OPN1SW: variants seen among roughly 807,000 people sequenced by gnomAD.
OPN1SW encodes opsin 1, short wave sensitive, also known as short-wave-sensitive opsin 1.
OPN1SW carries 25 observed loss-of-function variants against 31.9 expected under a neutral mutation model. The observed-to-expected ratio is 0.78, with a 90% CI of 0.57 to 1.09. OPN1SW has a LOEUF of 1.09. OPN1SW is among the 50% of genes least tolerant of loss of function. The pLI, the probability that OPN1SW is intolerant of heterozygous loss-of-function variation, is 0.00. For missense variants in OPN1SW, 424 were observed against 448.0 expected (o/e 0.95, Z 0.48); for synonymous variants, 190 against 171.9 (o/e 1.11, Z -0.82).
chr7:128,774,387 A>T, intron 3 of OPN1SW, 111 bp downstream of exon 3: 1 of 1,414,396 alleles, frequency 7.1e-7, no homozygotes, highest in Non-Finnish European at 9.9e-7. Context: ...TGCTGCTTTT[A>T]GATACCCTCT....
Position 128,775,055 on chromosome 7 carries a change from A to G in OPN1SW, c.443T>C (p.Leu148Pro). 1 of 1,614,244 alleles carries G rather than the reference A, an allele frequency of 6.2e-7. No homozygotes were observed. ...GGTCCAGGTAGCCAGGACCACCGTCAGTGCATGCTTGGAGCTGAAGCGGAA... is the reference window on the plus strand; with the variant it reads ...GGTCCAGGTAGCCAGGACCACCGTCGGTGCATGCTTGGAGCTGAAGCGGAA... ...GNFRFSSKHA[L>P]TVVLATWTIG... The change falls in exon 2 of 5, where the codon CTG becomes CCG. Residue 148 changes from leucine (L) to proline (P), a missense_variant. Leu to Pro is a moderately conservative substitution (Grantham distance 98). Transcript: ENST00000249389.
chr7:128,775,602 T>C lies in OPN1SW; in HGVS notation c.180A>G (p.Lys60=). 6.2e-7 allele frequency: 1 copy of C among 1,614,080 alleles called. No homozygotes were observed. Among genetic ancestry groups the C allele is most frequent in the Non-Finnish European group, 8.5e-7 (1 of 1,180,014 alleles). Residue 60 remains lysine (K), a synonymous_variant, in exon 1 of 5, where the codon AAA becomes AAG. Transcript: ENST00000249389. ...TGTAGTTGAGGGGCTGCCGCAACTT[T>C]TTGTAGCGCAGTGTGGCCACCAGCA... ...AMVLVATLRY[K]KLRQPLNYIL...
rs1801751586 is a variant in OPN1SW, at chr7:128,775,756, A to C, written c.26T>G (p.Phe9Cys). MSEEEFYL[F>C]KNISSVGPWD... ...CGGCCCCACTGAAGAGATATTTTTG[A>C]ACAGATAAAACTCTTCCTCCGACAT... Residue 9 changes from phenylalanine (F) to cysteine (C), a missense_variant, in exon 1 of 5, where the codon TTC (phenylalanine) becomes TGC (cysteine). Transcript: ENST00000249389. 6.2e-7 allele frequency: 1 copy of C among 1,614,008 alleles called. No homozygotes were observed.
Position 128,774,975 on chromosome 7 carries a change from T to G in OPN1SW, c.512+11A>C. 6.2e-7 allele frequency: 1 copy of G among 1,613,894 alleles called. No individual in the cohort carries two copies. Among genetic ancestry groups the G allele is most frequent in the Non-Finnish European group, 8.5e-7 (1 of 1,180,024 alleles). On this transcript the variant is annotated intron_variant, in intron 2 of 4. Coordinates refer to ENST00000249389, the MANE Select transcript of OPN1SW (RefSeq NM_001385125.1). ...CCTAGTTAACTCAGCACCACTGCCCTGCACTCTCACCGGCTCCAGCCAAAG... is the reference window on the plus strand; with the variant it reads ...CCTAGTTAACTCAGCACCACTGCCCGGCACTCTCACCGGCTCCAGCCAAAG...
rs1440735174 is a variant in OPN1SW at position 128,774,619 on chromosome 7, T to C, written c.557A>G (p.Tyr186Cys). ...GLQCSCGPDWYTVGTKYRSES... is the reference protein window; with the variant it reads ...GLQCSCGPDWCTVGTKYRSES... ...GCTGCGGTATTTGGTGCCCACGGTG[T>C]ACCAGTCAGGGCCACAGGAACACTG... Residue 186 changes from tyrosine to cysteine, a missense_variant, in exon 3 of 5, where the codon TAC (tyrosine) becomes TGC (cysteine). Coordinates refer to ENST00000249389, the MANE Select transcript of OPN1SW (RefSeq NM_001385125.1). 6.2e-7 allele frequency: 1 copy of C among 1,613,972 alleles called. No homozygotes were observed. The highest frequency in any genetic ancestry group is 8.5e-7 in the Non-Finnish European group (1 of 1,180,020).
At chr7:128,774,867 T>A (rs1197075224) in intron 2 of OPN1SW, 119 bp downstream of exon 2, 2 of 1,422,880 alleles carry the variant, frequency 1.4e-6, no homozygotes, top group Admixed American at 1.9e-5. Flanking sequence ...CCCTTTCGCC[T>A]CATATTGCAA....
chr7:128,775,234 A>G, intron 1 of OPN1SW, 80 bp from the exon 2 acceptor site: 1 of 1,496,766 alleles, frequency 6.7e-7, no homozygotes, highest in Non-Finnish European at 9.2e-7. Flanking sequence ...GATCGGGTGG[A>G]GCAAGCACAG....
chr7:128,773,040 C>A lies in OPN1SW; in HGVS notation c.919-381G>T, dbSNP rs570956146. ...GAGTCTACCTCTGGGATTGAGGAAACAATACCATCTGAAAGTAGGGTTTTT... is the reference window on the plus strand; with the variant it reads ...GAGTCTACCTCTGGGATTGAGGAAAAAATACCATCTGAAAGTAGGGTTTTT... On this transcript the variant is annotated intron_variant, in intron 4 of 4. Transcript: ENST00000249389. 1.5e-3 allele frequency among the ~76,000 whole-genome samples: 225 copies of A among 152,316 alleles called. 7 individuals carry two copies. The South Asian group carries it at 0.042, about 28-fold the overall frequency.
chr7:128,775,099 G>A lies in OPN1SW; in HGVS notation c.399C>T (p.Ile133=). 1 of 1,614,228 alleles carries A rather than the reference G, an allele frequency of 6.2e-7. No individual in the cohort carries two copies. Among genetic ancestry groups the A allele is most frequent in the Non-Finnish European group, 8.5e-7 (1 of 1,180,046 alleles). The change falls in exon 2 of 5, where the codon ATC becomes ATT. Residue 133 remains isoleucine, a synonymous_variant. Coordinates refer to ENST00000249389, the MANE Select transcript of OPN1SW (RefSeq NM_001385125.1). ...AGCGGAAGTTGCCGAAGGGCTTACAGATGACAATGTAGCGCTCAAAGGCCA... is the reference window on the plus strand; with the variant it reads ...AGCGGAAGTTGCCGAAGGGCTTACAAATGACAATGTAGCGCTCAAAGGCCA... The part of the protein sequence containing the change: ...AFLAFERYIV[I]CKPFGNFRFS...
At chr7:128,774,183 T>C (rs1213485872) in intron 3 of OPN1SW, among the ~76,000 whole-genome samples, 1 of 152,120 alleles carries the variant, frequency 6.6e-6, no homozygotes, top group Admixed American at 6.5e-5. Context: ...GGTCTGGAAC[T>C]ATTGACCTCA....
At chr7:128,773,044 A>G (rs1353640447) in intron 4 of OPN1SW, among the ~76,000 whole-genome samples, 1 of 152,200 alleles carries the variant, frequency 6.6e-6, no homozygotes, top group African/African-American at 2.4e-5. Context: ...AGGAAACAAT[A>G]CCATCTGAAA....
Position 128,772,490 on chromosome 7 carries a change from T to C in OPN1SW, c.*50A>G. On this transcript the variant is annotated 3_prime_UTR_variant, in exon 5 of 5. Transcript: ENST00000249389. ...CTGACGGAGACAATAGAAACTTACT[T>C]AAAAGTAAAATTTAATTCTAGCTGT... 6.2e-7 allele frequency: 1 copy of C among 1,612,126 alleles called. No homozygotes were observed. The highest frequency in any genetic ancestry group is 8.5e-7 in the Non-Finnish European group (1 of 1,178,354).
At chr7:128,774,757 G>C in intron 2 of OPN1SW, 94 bp from the exon 3 acceptor site, 1 of 1,550,638 alleles carries the variant, frequency 6.4e-7, no homozygotes, top group Non-Finnish European at 8.8e-7. Context: ...AGAACCCACG[G>C]AATGCCCTAA....
intron 1 of OPN1SW, 104 bp from the exon 2 acceptor site, chr7:128,775,258 G>T (rs1801736526): frequency 7.3e-7 from 1 of 1,379,042 alleles, no homozygotes; most frequent in Non-Finnish European, 1.0e-6. Context: ...GACAGGGCTG[G>T]ACTGACATTT....
chr7:128,775,311 C>T lies in OPN1SW; in HGVS notation c.343+128G>A, dbSNP rs1186535363. On this transcript the variant is annotated intron_variant, in intron 1 of 4. Coordinates refer to ENST00000249389, the MANE Select transcript of OPN1SW (RefSeq NM_001385125.1). ...ATCCTATTTTAGCCAAACTTCTAGT[C>T]TGGGTTGCTTTGTACCCCAGTATTT... 3.1e-6 allele frequency: 4 copies of T among 1,288,988 alleles called. No individual in the cohort carries two copies. In the East Asian group the frequency reaches 9.3e-5, roughly 30 times the overall value. 79.8% of individuals were successfully genotyped at this position (1,288,988 alleles called of 1,614,324 possible). A position where few individuals can be genotyped will look rare whatever the true frequency, so the allele number is the denominator to read the frequency against.
chr7:128,774,868 C>T (rs943463406), intron 2 of OPN1SW, 118 bp downstream of exon 2: 1 of 1,426,888 alleles, frequency 7.0e-7, no homozygotes. Context: ...CCTTTCGCCT[C>T]ATATTGCAAC....
Position 128,775,484 on chromosome 7 carries a change from C to T in OPN1SW, c.298G>A (p.Gly100Ser), listed in dbSNP as rs201892828. ...CCCTCCAAAGCACAAACATGGCGAC[C>T]GAAGACGAAGTATCCGTTACAGCTG... ...VASCNGYFVF[G>S]RHVCALEGFL... Residue 100 changes from glycine to serine, a missense_variant, in exon 1 of 5, where the codon GGT becomes AGT. Transcript: ENST00000249389. 1.5e-5 allele frequency: 24 copies of T among 1,613,818 alleles called. No individual in the cohort carries two copies. Among genetic ancestry groups the T allele is most frequent in the Middle Eastern group, 1.7e-4 (1 of 6,058 alleles).
intron 4 of OPN1SW, among the ~76,000 whole-genome samples, chr7:128,773,123 A>C (rs1443824859): frequency 2.0e-5 from 3 of 152,258 alleles, no homozygotes. Context: ...GAAATCCCCC[A>C]GTACCTTCAG....
In OPN1SW at chr7:128,775,461, C is replaced by T; in HGVS notation, c.321G>A (p.Glu107=). The T allele has an allele frequency of 4.3e-6, 7 of 1,613,694 alleles. No individual in the cohort carries two copies. Among genetic ancestry groups the T allele is most frequent in the Non-Finnish European group, 5.9e-6 (7 of 1,179,728 alleles). The change falls in exon 1 of 5, where the codon GAG becomes GAA. Residue 107 remains glutamate (E), a synonymous_variant. Transcript: ENST00000249389. The stretch of plus-strand genomic sequence containing the variant: ...TACCTGCTACAGTGCCCAGGAAGCC[C>T]TCCAAAGCACAAACATGGCGACCGA... ...FVFGRHVCAL[E]GFLGTVAGLV...
Sources: gnomAD v4.1 joint callset for allele counts (sites outside exome capture counted in the v4.1 genomes callset) on GRCh38, gnomAD v4.1.1 for gene constraint, MANE v1.5 for transcripts, NCBI Gene and HGNC (gene_info 2026-07-23, HGNC 2026-07-21) for gene names.